OXR1: variants seen among roughly 807,000 people sequenced by gnomAD.
OXR1 encodes the protein oxidation resistance 1, also known as oxidation resistance protein 1.
Under a neutral mutation model 104.6 loss-of-function variants are expected in OXR1, and 41 were observed. The observed-to-expected ratio is 0.39, with a 90% CI of 0.31 to 0.51. The LOEUF is 0.51. OXR1 is among the 20% of genes least tolerant of loss of function. OXR1 has a pLI of 0.77. For synonymous variants in OXR1, 348 were observed against 348.4 expected (o/e 1.00, Z 0.01); for missense variants, 955 against 1,031.9 (o/e 0.93, Z 1.02).
chr8:106,620,123 C>T (rs1214377062), intron 3 of OXR1, among the ~76,000 whole-genome samples: 1 of 152,120 alleles, frequency 6.6e-6, no homozygotes, highest in Non-Finnish European at 1.5e-5. Flanking sequence ...TGTACCCATC[C>T]ATAGGCACTT....
intron 3 of OXR1, among the ~76,000 whole-genome samples, chr8:106,663,934 T>C (rs1359324410): frequency 6.6e-6 from 1 of 152,178 alleles, no homozygotes; most frequent in African/African-American, 2.4e-5. Context: ...TTACAGTAAC[T>C]TTTTAAAACA....
chr8:106,654,247 A>G (rs1246883406), intron 3 of OXR1, among the ~76,000 whole-genome samples: 1 of 152,106 alleles, frequency 6.6e-6, no homozygotes, highest in East Asian at 1.9e-4. Context: ...AGCCAAAACA[A>G]TCTTCAAAAT....
intron 3 of OXR1, among the ~76,000 whole-genome samples, chr8:106,568,013 A>G (rs1159312213): frequency 2.0e-5 from 3 of 152,120 alleles, no homozygotes; most frequent in South Asian, 4.1e-4. Flanking sequence ...AGCCTTCCAG[A>G]GTCTTTGTGT....
intron 1 of OXR1, among the ~76,000 whole-genome samples, chr8:106,322,833 G>C (rs771116696): frequency 2.0e-5 from 3 of 152,076 alleles, no homozygotes; most frequent in Non-Finnish European, 4.4e-5. Flanking sequence ...AACCAGAGAG[G>C]TGAAAGATCT....
chr8:106,679,767 T>A (rs7000202), intron 4 of OXR1, among the ~76,000 whole-genome samples: 44,508 of 151,670 alleles, frequency 0.29, 8,397 homozygotes, highest in African/African-American at 0.54. Flanking sequence ...GCTTTTTTTT[T>A]TTTTTCTGTA....
intron 3 of OXR1, chr8:106,618,028 G>C: frequency 2.0e-6 from 3 of 1,515,272 alleles, no homozygotes; most frequent in Non-Finnish European, 2.6e-6. Flanking sequence ...GTCAGGGACC[G>C]GGCGGGAGGA....
chr8:106,448,278 C>G (rs1237078226), intron 2 of OXR1, among the ~76,000 whole-genome samples: 1 of 152,098 alleles, frequency 6.6e-6, no homozygotes, highest in Admixed American at 6.6e-5. Context: ...AGGGAAAACC[C>G]TTCTGATATG....
intron 1 of OXR1, among the ~76,000 whole-genome samples, chr8:106,299,751 A>T (rs751053860): frequency 1.3e-5 from 2 of 152,204 alleles, no homozygotes; most frequent in Non-Finnish European, 2.9e-5. Context: ...ACCTTGCCGC[A>T]TGCTTGACTA....
At chr8:106,720,844 A>G (rs1832763899) in intron 11 of OXR1, 1 of 175,632 alleles carries the variant, frequency 5.7e-6, no homozygotes, top group African/African-American at 2.4e-5. Context: ...CCAGTAGTAT[A>G]GCTTAAAGGA....
At chr8:106,461,136 G>C (rs1444672067) in intron 2 of OXR1, among the ~76,000 whole-genome samples, 1 of 152,094 alleles carries the variant, frequency 6.6e-6, no homozygotes, top group Non-Finnish European at 1.5e-5. Context: ...ATTAGGGCTA[G>C]TGGTTTGAGA....
rs35290618 is a variant in OXR1 at position 106,641,943 on chromosome 8, A to ATT, written c.221-37258_221-37257dup. On this transcript the variant is annotated intron_variant, in intron 3 of 16. Transcript: ENST00000517566. ...AAAGAGTAAGTTTAATGCCTATTTA[A>ATT]TTTTTTTTTTAAGAGATGGGGTCTT... Among the ~76,000 whole-genome samples the ATT allele has an allele frequency of 3.5e-3, 534 of 150,712 alleles. 5 individuals carry two copies. Among genetic ancestry groups the ATT allele is most frequent in the African/African-American group, 0.012 (484 of 41,078 alleles).
intron 3 of OXR1, among the ~76,000 whole-genome samples, chr8:106,672,550 AAGAG>A (rs142546545): frequency 0.12 from 18,485 of 151,460 alleles, 1,419 homozygotes; most frequent in East Asian, 0.33. Context: ...AAAGAAAAGA[AAGAG>A]AGAAAGGAAG....
At chr8:106,328,713 A>G (rs754459565) in intron 1 of OXR1, among the ~76,000 whole-genome samples, 27 of 152,108 alleles carry the variant, frequency 1.8e-4, no homozygotes, top group Non-Finnish European at 3.8e-4. Flanking sequence ...AAAAAAGAAA[A>G]CCCTTGAGCA....
At chr8:106,711,406 C>T (rs899780026) in intron 10 of OXR1, among the ~76,000 whole-genome samples, 1 of 152,098 alleles carries the variant, frequency 6.6e-6, no homozygotes, top group Non-Finnish European at 1.5e-5. Flanking sequence ...GACATTGCAT[C>T]ATTACTTTTT....
intron 3 of OXR1, among the ~76,000 whole-genome samples, chr8:106,677,083 A>G (rs1315425318): frequency 6.6e-6 from 1 of 152,126 alleles, no homozygotes; most frequent in Non-Finnish European, 1.5e-5. Context: ...CAAAGTAAAT[A>G]CAAACTAACG....
chr8:106,693,460 G>A (rs10100839), intron 7 of OXR1, among the ~76,000 whole-genome samples: 17,213 of 122,344 alleles, frequency 0.14, 1,322 homozygotes, highest in East Asian at 0.35. Flanking sequence ...ATGAAGTTTC[G>A]CTCTTATCAG....
chr8:106,402,151 T>C (rs1191711439), intron 2 of OXR1, among the ~76,000 whole-genome samples: 2 of 152,140 alleles, frequency 1.3e-5, no homozygotes, highest in Admixed American at 6.5e-5. Context: ...AGGCACGTAG[T>C]TTAGCTTAAG....
chr8:106,497,788 ATGTGTGTGTGTGTGTGTGCACACGCG>A (rs1811510840), intron 2 of OXR1, among the ~76,000 whole-genome samples: 1 of 150,434 alleles, frequency 6.6e-6, no homozygotes, highest in South Asian at 2.1e-4. Flanking sequence ...TGGTCACCAT[ATGTGTGTGTGTGTGTGTGCACACGCG>A]TGTGTGTGTG....
At chr8:106,491,433 C>G (rs1586714084) in intron 2 of OXR1, among the ~76,000 whole-genome samples, 1 of 152,096 alleles carries the variant, frequency 6.6e-6, no homozygotes, top group African/African-American at 2.4e-5. Context: ...TTTTAAGTAA[C>G]CTTTATTTTC....
Sources: allele counts gnomAD v4.1 joint callset (sites outside exome capture counted in the v4.1 genomes callset), GRCh38; gene constraint gnomAD v4.1.1; transcripts MANE v1.5; gene names NCBI Gene and HGNC (gene_info 2026-07-23, HGNC 2026-07-21).